SMAP1: variants seen among roughly 807,000 people sequenced by gnomAD.
SMAP1 encodes small ArfGAP 1.
SMAP1 carries 24 observed loss-of-function variants against 58.5 expected under a neutral mutation model. The observed-to-expected ratio is 0.41, with a 90% confidence interval of 0.30 to 0.58. The LOEUF is 0.58. SMAP1 is among the 20% of genes least tolerant of loss of function. SMAP1 has a pLI of 0.29. For missense variants in SMAP1, 563 were observed against 566.3 expected (o/e 0.99, Z 0.06); for synonymous variants, 216 against 196.6 (o/e 1.10, Z -0.82).
intron 1 of SMAP1, among the ~76,000 whole-genome samples, chr6:70,677,312 A>G (rs1489957416): frequency 1.3e-5 from 2 of 151,384 alleles, no homozygotes; most frequent in African/African-American, 4.8e-5. Context: ...ATTCAGTCCA[A>G]GCTTTGCCTC....
intron 6 of SMAP1, among the ~76,000 whole-genome samples, chr6:70,831,603 C>CT (rs1770361759): frequency 6.6e-6 from 1 of 152,136 alleles, no homozygotes; most frequent in South Asian, 2.1e-4. Context: ...TGATCTCCTT[C>CT]TTTTTTATGG....
chr6:70,859,409 T>G (rs1167114009), intron 10 of SMAP1: 2 of 1,546,554 alleles, frequency 1.3e-6, no homozygotes, highest in Non-Finnish European at 1.7e-6. Flanking sequence ...TAAAATGTCC[T>G]TTAGTAGGTA....
chr6:70,858,290 T>TAA, intron 10 of SMAP1, 61 bp downstream of exon 10: 1 of 408,396 alleles, frequency 2.4e-6, no homozygotes, highest in Non-Finnish European at 3.4e-6. Context: ...TCTAAATCTT[T>TAA]TTTTTTTTTT....
At chr6:70,715,911 A>G (rs1030525012) in intron 1 of SMAP1, among the ~76,000 whole-genome samples, 3 of 152,086 alleles carry the variant, frequency 2.0e-5, no homozygotes, top group Admixed American at 6.5e-5. Flanking sequence ...CCAGTCCCCA[A>G]AGTCCATTGT....
At chr6:70,826,643 C>A (rs1028994243) in intron 6 of SMAP1, among the ~76,000 whole-genome samples, 3 of 152,074 alleles carry the variant, frequency 2.0e-5, no homozygotes, top group Admixed American at 2.0e-4. Flanking sequence ...GTAGTCCCAG[C>A]TACCTGGGAG....
intron 6 of SMAP1, among the ~76,000 whole-genome samples, chr6:70,826,952 A>G (rs1234549115): frequency 5.3e-5 from 8 of 150,722 alleles, no homozygotes; most frequent in Admixed American, 4.0e-4. Flanking sequence ...AAAAAAAAAA[A>G]AAAAAAAAGA....
chr6:70,787,845 G>A, intron 4 of SMAP1, among the ~76,000 whole-genome samples: 1 of 150,172 alleles, frequency 6.7e-6, no homozygotes, highest in Non-Finnish European at 1.5e-5. Flanking sequence ...CTTTTACACT[G>A]TTGTTGGGAC....
chr6:70,792,556 C>A (rs138799413), intron 5 of SMAP1, among the ~76,000 whole-genome samples: 2 of 151,848 alleles, frequency 1.3e-5, no homozygotes, highest in African/African-American at 4.8e-5. Flanking sequence ...GATTGAGGTA[C>A]GCTCACTGTA....
At chr6:70,675,641 A>G (rs1324989527) in intron 1 of SMAP1, among the ~76,000 whole-genome samples, 1 of 147,964 alleles carries the variant, frequency 6.8e-6, no homozygotes, top group Non-Finnish European at 1.5e-5. Context: ...ACAGAGCGAG[A>G]CTCCATCTCA....
In SMAP1 at chr6:70,705,251, GA is replaced by G. The variant is rs765362822; in HGVS notation, c.119-27126del. ...TTCTCCAACTATTTCAGTTCATTATGATTTTTTTTTTTTTTTTTAAGACAGA... is the reference window on the plus strand; with the variant it reads ...TTCTCCAACTATTTCAGTTCATTATGTTTTTTTTTTTTTTTTTAAGACAGA... On this transcript the variant is annotated intron_variant, in intron 1 of 10. Transcript: ENST00000370455. Among the ~76,000 whole-genome samples the G allele has an allele frequency of 7.4e-3, 1,101 of 147,796 alleles. 7 individuals carry two copies. The highest frequency in any genetic ancestry group is 0.014 in the Middle Eastern group (4 of 292).
intron 6 of SMAP1, among the ~76,000 whole-genome samples, chr6:70,814,399 A>AT (rs1483487518): frequency 6.6e-6 from 1 of 152,192 alleles, no homozygotes; most frequent in African/African-American, 2.4e-5. Flanking sequence ...TGATGAGAAC[A>AT]TTGATAGCAG....
rs184659317 is a variant in SMAP1, at chr6:70,692,035, C to T, written c.118+23894C>T. On this transcript the variant is annotated intron_variant, in intron 1 of 10. Coordinates refer to ENST00000370455, the MANE Select transcript of SMAP1 (RefSeq NM_001044305.3). ...ATTTTTGGTTTTTTTGAGGAATCTC[C>T]GTACTGTTCTTCATAGTGGCTGCAC... Among the ~76,000 whole-genome samples, 22 of 152,254 alleles carry T rather than the reference C, an allele frequency of 1.4e-4. No individual in the cohort carries two copies. The East Asian group carries it at 4.1e-3, about 28-fold the overall frequency.
chr6:70,743,957 ATG>A (rs1184088713), intron 2 of SMAP1, among the ~76,000 whole-genome samples: 1 of 152,222 alleles, frequency 6.6e-6, no homozygotes, highest in Non-Finnish European at 1.5e-5. Context: ...TTTAATTTGA[ATG>A]TGCAAGATTA....
At chr6:70,843,028 G>C (rs1398908692) in intron 7 of SMAP1, among the ~76,000 whole-genome samples, 1 of 152,152 alleles carries the variant, frequency 6.6e-6, no homozygotes, top group Non-Finnish European at 1.5e-5. Flanking sequence ...CTATAGAATG[G>C]AGGTAGGCTG....
intron 1 of SMAP1, among the ~76,000 whole-genome samples, chr6:70,697,599 C>T (rs571520083): frequency 6.6e-6 from 1 of 152,280 alleles, no homozygotes; most frequent in South Asian, 2.1e-4. Flanking sequence ...AGCCACCACG[C>T]CTGGCCGCTT....
intron 6 of SMAP1, among the ~76,000 whole-genome samples, chr6:70,818,318 A>G (rs1769733813): frequency 6.6e-6 from 1 of 152,022 alleles, no homozygotes; most frequent in South Asian, 2.1e-4. Context: ...AGGCAGGAGA[A>G]TCACATGAAC....
rs1452427145 is a variant in SMAP1 at position 70,857,041 on chromosome 6, T to C, written c.961+11T>C. On this transcript the variant is annotated intron_variant, in intron 9 of 10. Coordinates refer to ENST00000370455, the MANE Select transcript of SMAP1 (RefSeq NM_001044305.3). ...AGCAAAGTACTCCTGGTAATGAATT[T>C]TGATATCTGCTTTCAGTGACATTAC... 3.3e-5 allele frequency: 52 copies of C among 1,592,256 alleles called. No homozygotes were observed. The highest frequency in any genetic ancestry group is 4.4e-5 in the Non-Finnish European group (52 of 1,169,086).
chr6:70,718,718 G>A lies in SMAP1; in HGVS notation c.119-13660G>A, dbSNP rs536505030. 4.6e-5 allele frequency among the ~76,000 whole-genome samples: 7 copies of A among 151,548 alleles called. No homozygotes were observed. The East Asian group carries it at 1.4e-3, about 30-fold the overall frequency. On this transcript the variant is annotated intron_variant, in intron 1 of 10. Coordinates refer to ENST00000370455, the MANE Select transcript of SMAP1 (RefSeq NM_001044305.3). ...CACCTGTAATCCCAGCTACTTGGGA[G>A]GCTGAGGCAGGAAAATCCCTTGAAC... is the stretch of plus-strand genomic sequence containing the variant.
intron 5 of SMAP1, among the ~76,000 whole-genome samples, chr6:70,796,956 C>G (rs1048654820): frequency 3.3e-5 from 5 of 152,094 alleles, no homozygotes; most frequent in African/African-American, 1.2e-4. Context: ...TCTTTTGTTG[C>G]AAAGCAATAT....
Sources: allele counts gnomAD v4.1 joint callset (sites outside exome capture counted in the v4.1 genomes callset), GRCh38; gene constraint gnomAD v4.1.1; transcripts MANE v1.5; gene names NCBI Gene and HGNC (gene_info 2026-07-23, HGNC 2026-07-21).